Variants in ADGRD1 observed in about 807,000 individuals in gnomAD.
ADGRD1 encodes the protein G-protein coupled receptor 133.
Under a neutral mutation model 113.4 loss-of-function variants are expected in ADGRD1, and 77 were observed. That is an observed-to-expected ratio of 0.68 (90% CI 0.57 to 0.82). The LOEUF (loss-of-function observed/expected upper bound fraction) is 0.82. Among genes scored for constraint, ADGRD1 ranks in the 40% least tolerant of loss-of-function variants. The pLI, the probability that ADGRD1 is intolerant of heterozygous loss-of-function variation, is 0.00. For missense variants in ADGRD1, 1,036 were observed against 1,139.1 expected, an observed-to-expected ratio of 0.91 and a Z score of 1.30; for synonymous variants, 474 against 475.0, an observed-to-expected ratio of 1.00 and a Z score of 0.03.
chr12:131,044,163 G>A (rs1444090948), intron 13 of ADGRD1, among the ~76,000 whole-genome samples: 3 of 152,176 alleles, frequency 2.0e-5, no homozygotes, highest in East Asian at 1.9e-4. Flanking sequence ...ATAAAGCATC[G>A]CTTTCTCACT....
intron 12 of ADGRD1, among the ~76,000 whole-genome samples, chr12:131,008,127 T>C (rs1877397929): frequency 6.6e-6 from 1 of 152,204 alleles, no homozygotes; most frequent in Admixed American, 6.5e-5. Flanking sequence ...GAGGACTGAA[T>C]GAGTTAATGG....
chr12:131,009,964 C>T (rs777237469), intron 12 of ADGRD1, among the ~76,000 whole-genome samples: 4 of 152,170 alleles, frequency 2.6e-5, no homozygotes, highest in Admixed American at 6.5e-5. Context: ...TGCAAAGCTG[C>T]GGGGGCTCCT....
chr12:130,979,815 TCTCACACACACACACACACACACACA>T (rs1383140462), intron 4 of ADGRD1, among the ~76,000 whole-genome samples: 2 of 139,744 alleles, frequency 1.4e-5, no homozygotes, highest in African/African-American at 5.8e-5. Flanking sequence ...GCAGCTAGTG[TCTCACACACACACACACACACACACA>T]CACACACACA....
intron 20 of ADGRD1, among the ~76,000 whole-genome samples, chr12:131,130,684 G>A (rs1163006558): frequency 6.6e-6 from 1 of 152,000 alleles, no homozygotes; most frequent in Non-Finnish European, 1.5e-5. Flanking sequence ...TAGGCGAGGG[G>A]TGCAGGTGTG....
At chr12:131,090,003 G>C (rs1403653914) in intron 15 of ADGRD1, among the ~76,000 whole-genome samples, 5 of 152,180 alleles carry the variant, frequency 3.3e-5, no homozygotes, top group African/African-American at 1.2e-4. Context: ...TGAAAACTGT[G>C]TTTTTGTGTG....
chr12:131,056,641 T>C (rs1004125036), intron 13 of ADGRD1, among the ~76,000 whole-genome samples: 9 of 152,206 alleles, frequency 5.9e-5, no homozygotes, highest in African/African-American at 2.2e-4. Flanking sequence ...AACATGAATA[T>C]TCCATGAGCA....
intron 13 of ADGRD1, among the ~76,000 whole-genome samples, chr12:131,064,634 G>T (rs1023245663): frequency 1.3e-5 from 2 of 152,240 alleles, no homozygotes; most frequent in African/African-American, 4.8e-5. Flanking sequence ...GTAAGGAAAA[G>T]TGTTGGCACT....
chr12:131,062,883 T>C (rs1683039257), intron 13 of ADGRD1, among the ~76,000 whole-genome samples: 1 of 152,214 alleles, frequency 6.6e-6, no homozygotes, highest in South Asian at 2.1e-4. Context: ...ATGAGCAATG[T>C]ATGAGTGATT....
intron 13 of ADGRD1, among the ~76,000 whole-genome samples, chr12:131,040,828 T>C (rs2136982755): frequency 6.6e-6 from 1 of 152,378 alleles, no homozygotes; most frequent in Middle Eastern, 3.4e-3. Context: ...CAGTGGTCTT[T>C]GCACCACTCA....
intron 15 of ADGRD1, among the ~76,000 whole-genome samples, chr12:131,095,395 A>G (rs1397764882): frequency 6.6e-6 from 1 of 152,230 alleles, no homozygotes; most frequent in African/African-American, 2.4e-5. Context: ...GGAGAAGCAT[A>G]TGTTGCTTCA....
rs1873066829 is a variant in ADGRD1, at chr12:130,982,056, C to T, written c.483C>T (p.Ser161=). 2.5e-6 allele frequency: 4 copies of T among 1,612,620 alleles called. No homozygotes were observed. The highest frequency in any genetic ancestry group is 1.1e-5 in the South Asian group (1 of 91,016). Residue 161 remains serine (S), a synonymous_variant, in exon 5 of 25, where the codon AGC becomes AGT. Transcript: ENST00000261654. The part of the protein sequence containing the change: ...DNSMTWEASF[S]PPGPYWTHVL... ...CCATGACATGGGAGGCCTCCTTCAGCCCCCCAGGTGAGTGACAGCATCGGT... is the reference window on the plus strand; with the variant it reads ...CCATGACATGGGAGGCCTCCTTCAGTCCCCCAGGTGAGTGACAGCATCGGT...
intron 10 of ADGRD1, 117 bp from the exon 11 acceptor site, chr12:131,004,069 C>A: frequency 8.5e-5 from 44 of 517,652 alleles, no homozygotes; most frequent in Non-Finnish European, 1.1e-4. Context: ...GGTAATTATA[C>A]TTCCCGTGGG....
At chr12:130,985,302 C>G (rs867596959) in intron 5 of ADGRD1, among the ~76,000 whole-genome samples, 2 of 152,124 alleles carry the variant, frequency 1.3e-5, no homozygotes, top group East Asian at 3.9e-4. Context: ...TCTCCCCATC[C>G]GTGACTTGTC....
At chr12:131,082,875 T>C (rs1886172679) in intron 14 of ADGRD1, among the ~76,000 whole-genome samples, 1 of 152,212 alleles carries the variant, frequency 6.6e-6, no homozygotes, top group South Asian at 2.1e-4. Context: ...TCATTAATCA[T>C]GAAAATCACC....
chr12:131,105,401 C>T (rs182303326), intron 16 of ADGRD1, among the ~76,000 whole-genome samples: 7 of 152,322 alleles, frequency 4.6e-5, no homozygotes, highest in Admixed American at 1.3e-4. Context: ...ACATTTGGGC[C>T]GCCATGCGGG....
At chr12:131,088,801 G>A (rs1253891752) in intron 15 of ADGRD1, among the ~76,000 whole-genome samples, 1 of 152,216 alleles carries the variant, frequency 6.6e-6, no homozygotes, top group Non-Finnish European at 1.5e-5. Context: ...CTTCGACTAA[G>A]AAAGCTGGCG....
Position 130,971,490 on chromosome 12 carries a change from T to C in ADGRD1, c.220T>C (p.Tyr74His). 1.2e-6 allele frequency: 2 copies of C among 1,613,668 alleles called. No homozygotes were observed. Among genetic ancestry groups the C allele is most frequent in the Non-Finnish European group, 1.7e-6 (2 of 1,179,732 alleles). ...GGAAGGGAAGGTCAACAAAGGCATT[T>C]ACCTGAAAGAGGAAAAGGGAGTCAC... is the stretch of plus-strand genomic sequence containing the variant. Reference protein sequence around the residue: ...IVEGKVNKGIYLKEEKGVTLL... With the variant: ...IVEGKVNKGIHLKEEKGVTLL... Residue 74 changes from tyrosine to histidine, a missense_variant, in exon 4 of 25, where the codon TAC (tyrosine) becomes CAC (histidine). Transcript: ENST00000261654. This position sits in a 1 kb window ranked among gnomAD's most constrained non-coding sequence, Gnocchi z 4.2.
At position 130,971,263 on chromosome 12, in the gene ADGRD1, T is replaced by G; in HGVS notation, c.188-195T>G. ...TTTTATCTGACATACACATTAATAATTTACAATTTAATTACTAATAATATT... is the reference window on the plus strand; with the variant it reads ...TTTTATCTGACATACACATTAATAAGTTACAATTTAATTACTAATAATATT... On this transcript the variant is annotated intron_variant, in intron 3 of 24. Transcript: ENST00000261654. The surrounding 1 kb of genome is among the most constrained non-coding windows in gnomAD (Gnocchi z 4.2). 1 of 272,060 alleles carries G rather than the reference T, an allele frequency of 3.7e-6. No individual in the cohort carries two copies. The highest frequency in any genetic ancestry group is 6.8e-6 in the Non-Finnish European group (1 of 146,270). The allele number at this position is 272,060 out of a possible 1,614,324, so 16.9% of individuals were successfully genotyped here. A position where few individuals can be genotyped will look rare whatever the true frequency, so the allele number is the denominator to read the frequency against.
chr12:131,019,489 T>A (rs1879048499), intron 13 of ADGRD1, among the ~76,000 whole-genome samples: 1 of 152,242 alleles, frequency 6.6e-6, no homozygotes, highest in Non-Finnish European at 1.5e-5. Flanking sequence ...TAATTCAACA[T>A]TGAAATGTCA....
Sources: gnomAD v4.1 joint callset for allele counts (sites outside exome capture counted in the v4.1 genomes callset) on GRCh38, gnomAD v4.1.1 for gene constraint, Gnocchi (gnomAD v3.1) non-coding constraint, MANE v1.5 for transcripts, NCBI Gene and HGNC (gene_info 2026-07-23, HGNC 2026-07-21) for gene names.